Variants in PPP1R12A observed in about 807,000 individuals in gnomAD.
PPP1R12A encodes the protein myosin binding subunit.
In PPP1R12A, 19 loss-of-function variants were observed where a neutral mutation model predicts 139.6. The ratio of observed to expected loss-of-function variants is 0.14; its 90% CI spans 0.09 to 0.20. The LOEUF (loss-of-function observed/expected upper bound fraction) is 0.20. Ranked by LOEUF, PPP1R12A falls within the 10% of genes least tolerant of loss-of-function variation. PPP1R12A has a pLI of 1.00. For synonymous variants in PPP1R12A, 427 were observed against 420.6 expected, an observed-to-expected ratio of 1.02 and a Z score of -0.19; for missense variants, 925 against 1,211.5, an observed-to-expected ratio of 0.76 and a Z score of 3.51.
intron 9 of PPP1R12A, among the ~76,000 whole-genome samples, chr12:79,812,234 A>G (rs998987643): frequency 2.0e-5 from 3 of 152,196 alleles, no homozygotes; most frequent in African/African-American, 7.2e-5. Context: ...AGCACCTTTT[A>G]ATTTTACTTG....
chr12:79,863,643 GCAAAAAAAAAAAAAAAAA>G (rs1449588201), intron 2 of PPP1R12A, among the ~76,000 whole-genome samples: 1 of 11,278 alleles, frequency 8.9e-5, no homozygotes, highest in African/African-American at 3.5e-4. Context: ...CAAATTGAAA[GCAAAAAAAAAAAAAAAAA>G]AAAAAAAAAA....
At position 79,797,238 on chromosome 12, in the gene PPP1R12A, C is replaced by G. The variant is rs763764547; in HGVS notation, c.2249G>C (p.Arg750Thr). The G allele has an allele frequency of 1.9e-6, 3 of 1,589,378 alleles. No homozygotes were observed. Among genetic ancestry groups the G allele is most frequent in the Non-Finnish European group, 2.6e-6 (3 of 1,167,152 alleles). ...GTACTTTTGTTTATATTCATCTTCT[C>G]TAGATGTTTCTGACTCCTTCTTTTC... Reference protein sequence around the residue: ...QEEKKESETSREDEYKQKYSR... With the variant: ...QEEKKESETSTEDEYKQKYSR... The change falls in exon 16 of 25, where the codon AGA (arginine) becomes ACA (threonine). Residue 750 changes from arginine to threonine, a missense_variant. Physicochemically the swap from Arg to Thr is moderately conservative, Grantham distance 71. This residue lies in a region of PPP1R12A where 315 missense variants were observed against 363.4 expected (regional missense o/e 0.87). Coordinates refer to ENST00000450142, the MANE Select transcript of PPP1R12A (RefSeq NM_002480.3).
intron 1 of PPP1R12A, among the ~76,000 whole-genome samples, chr12:79,910,122 C>G (rs1412365832): frequency 6.6e-6 from 1 of 152,124 alleles, no homozygotes; most frequent in Admixed American, 6.6e-5. Flanking sequence ...AAGAGCCAAT[C>G]TGAATTAGTC....
chr12:79,912,203 T>C (rs1317583956), intron 1 of PPP1R12A, among the ~76,000 whole-genome samples: 1 of 152,240 alleles, frequency 6.6e-6, no homozygotes, highest in Non-Finnish European at 1.5e-5. Context: ...ACTTCAATCA[T>C]GACTTTCACA....
At chr12:79,912,316 G>C (rs1886637476) in intron 1 of PPP1R12A, among the ~76,000 whole-genome samples, 1 of 152,132 alleles carries the variant, frequency 6.6e-6, no homozygotes, top group African/African-American at 2.4e-5. Flanking sequence ...AATGAGAAGA[G>C]GGTCTTGTTT....
chr12:79,796,036 G>C (rs1358304811), intron 17 of PPP1R12A, among the ~76,000 whole-genome samples: 1 of 152,026 alleles, frequency 6.6e-6, no homozygotes, highest in African/African-American at 2.4e-5. Flanking sequence ...CAAACACAAT[G>C]CAGGCCTCAC....
chr12:79,823,978 T>C (rs1201972352), intron 5 of PPP1R12A: 2 of 152,250 alleles, frequency 1.3e-5, no homozygotes, highest in Non-Finnish European at 2.9e-5. Context: ...AAAATACTTA[T>C]CATACTTGCC....
intron 2 of PPP1R12A, among the ~76,000 whole-genome samples, chr12:79,861,319 C>T (rs1262353748): frequency 6.6e-6 from 1 of 152,178 alleles, no homozygotes; most frequent in Non-Finnish European, 1.5e-5. Flanking sequence ...TGAAACACAT[C>T]AATATGTTCA....
At chr12:79,830,103 TAA>T (rs767888100) in intron 4 of PPP1R12A, among the ~76,000 whole-genome samples, 1 of 145,564 alleles carries the variant, frequency 6.9e-6, no homozygotes. Flanking sequence ...TTCACAAAGT[TAA>T]AAAAAAAAAG....
intron 2 of PPP1R12A, among the ~76,000 whole-genome samples, chr12:79,863,690 T>A (rs1379538833): frequency 6.8e-6 from 1 of 146,702 alleles, no homozygotes; most frequent in African/African-American, 2.5e-5. Context: ...GTTGCAATCC[T>A]GGTCTCTGAT....
At chr12:79,813,838 T>A (rs1055014728) in intron 9 of PPP1R12A, among the ~76,000 whole-genome samples, 2 of 152,200 alleles carry the variant, frequency 1.3e-5, no homozygotes, top group Non-Finnish European at 2.9e-5. Context: ...AAAATAAGCA[T>A]GTAAAACTGT....
intron 1 of PPP1R12A, among the ~76,000 whole-genome samples, chr12:79,891,740 C>T (rs1884664630): frequency 1.3e-5 from 2 of 152,142 alleles, no homozygotes; most frequent in Non-Finnish European, 1.5e-5. Context: ...TTGGCATGCA[C>T]CCTCCTCTCT....
intron 1 of PPP1R12A, among the ~76,000 whole-genome samples, chr12:79,873,358 C>T (rs1882762798): frequency 6.6e-6 from 1 of 151,942 alleles, no homozygotes; most frequent in Admixed American, 6.6e-5. Flanking sequence ...CCCTTTTTTA[C>T]TTTGTTGACA....
chr12:79,806,476 G>T, intron 12 of PPP1R12A, 143 bp from the exon 13 acceptor site: 1 of 695,376 alleles, frequency 1.4e-6, no homozygotes, highest in Non-Finnish European at 2.3e-6. Context: ...AGCACCAAGA[G>T]TTGCATCTAC....
intron 1 of PPP1R12A, among the ~76,000 whole-genome samples, chr12:79,902,441 A>G (rs1206615748): frequency 1.3e-5 from 2 of 152,094 alleles, no homozygotes; most frequent in Non-Finnish European, 2.9e-5. Flanking sequence ...AATCTTTGAC[A>G]CCTCAAATTG....
intron 2 of PPP1R12A, among the ~76,000 whole-genome samples, chr12:79,856,596 A>T (rs916882706): frequency 6.6e-6 from 1 of 152,234 alleles, no homozygotes; most frequent in Non-Finnish European, 1.5e-5. Context: ...GAGTGAACCA[A>T]AAACTTGAAG....
At chr12:79,904,939 A>G (rs888377700) in intron 1 of PPP1R12A, among the ~76,000 whole-genome samples, 1 of 152,218 alleles carries the variant, frequency 6.6e-6, no homozygotes, top group Admixed American at 6.5e-5. Context: ...AAACCACACA[A>G]AGGTAAATTC....
At position 79,889,925 on chromosome 12, in the gene PPP1R12A, G is replaced by C. The variant is rs140825489; in HGVS notation, c.238-16987C>G. Among the ~76,000 whole-genome samples, 59 of 152,196 alleles carry C rather than the reference G, an allele frequency of 3.9e-4. 1 individual carries two copies. In the East Asian group the frequency reaches 5.6e-3, roughly 14 times the overall value. ...CAGCTCCCTTGGGCCTCTTTTATAA[G>C]AGCACTAATTTCAATTTAAAAGGGT... is the stretch of plus-strand genomic sequence containing the variant. On this transcript the variant is annotated intron_variant, in intron 1 of 24. Transcript: ENST00000450142.
chr12:79,832,159 T>A (rs1877508829), intron 4 of PPP1R12A, among the ~76,000 whole-genome samples, 173 bp downstream of exon 4: 1 of 152,160 alleles, frequency 6.6e-6, no homozygotes, highest in Admixed American at 6.5e-5. Context: ...TGAAAGAATT[T>A]TAGAACAAAA....
Sources: gnomAD v4.1 joint callset for allele counts (sites outside exome capture counted in the v4.1 genomes callset) on GRCh38, gnomAD v4.1.1 for gene constraint, gnomAD v4.1.1 regional missense constraint, MANE v1.5 for transcripts, NCBI Gene and HGNC (gene_info 2026-07-23, HGNC 2026-07-21) for gene names.